Variants in MAML2 observed in about 807,000 individuals in gnomAD.
The protein encoded by MAML2 is mastermind-like protein 2.
MAML2 carries 22 observed loss-of-function variants against 96.1 expected under a neutral mutation model. The ratio of observed to expected loss-of-function variants is 0.23; its 90% confidence interval spans 0.16 to 0.33. The LOEUF (loss-of-function observed/expected upper bound fraction) is 0.33. Among genes scored for constraint, MAML2 ranks in the 10% least tolerant of loss-of-function variants. MAML2 has a pLI of 1.00. For synonymous variants in MAML2, 561 were observed against 521.3 expected (o/e 1.08, Z -1.04); for missense variants, 1,367 against 1,392.4 (o/e 0.98, Z 0.29).
intron 1 of MAML2, among the ~76,000 whole-genome samples, chr11:96,216,824 C>A (rs1862056999): frequency 6.6e-6 from 1 of 152,148 alleles, no homozygotes; most frequent in Non-Finnish European, 1.5e-5. Context: ...CAGGGGCATC[C>A]AACTCTGGGT....
chr11:96,016,194 C>T (rs1423670024), intron 2 of MAML2, among the ~76,000 whole-genome samples: 1 of 134,096 alleles, frequency 7.5e-6, no homozygotes, highest in Non-Finnish European at 1.5e-5. Context: ...AACTGTCCTC[C>T]AATTTACACC....
chr11:96,206,322 G>T (rs1219844323), intron 1 of MAML2, among the ~76,000 whole-genome samples: 1 of 152,188 alleles, frequency 6.6e-6, no homozygotes, highest in Non-Finnish European at 1.5e-5. Flanking sequence ...GGATAGGCGG[G>T]TGCGGTGGCT....
Position 96,062,576 on chromosome 11 carries a change from A to G in MAML2, c.2139+29316T>C, listed in dbSNP as rs142145026. Reference sequence around the variant, plus strand: ...GGATTCTGAAATATGGAGTGGTGGAAGGAAGGGAAATGTAGAATCCAGTTA... The same window carrying G: ...GGATTCTGAAATATGGAGTGGTGGAGGGAAGGGAAATGTAGAATCCAGTTA... On this transcript the variant is annotated intron_variant, in intron 2 of 4. Coordinates refer to ENST00000524717, the MANE Select transcript of MAML2 (RefSeq NM_032427.4). 1.3e-3 allele frequency among the ~76,000 whole-genome samples: 194 copies of G among 152,330 alleles called. 3 individuals carry two copies. The East Asian group carries it at 0.022, about 18-fold the overall frequency.
intron 1 of MAML2, among the ~76,000 whole-genome samples, chr11:96,177,036 T>C (rs938567165): frequency 2.0e-5 from 3 of 152,190 alleles, no homozygotes; most frequent in Non-Finnish European, 2.9e-5. Flanking sequence ...ATGGTCCTTT[T>C]TCAGGTCACC....
chr11:96,065,205 A>G (rs1241419607), intron 2 of MAML2, among the ~76,000 whole-genome samples: 1 of 152,256 alleles, frequency 6.6e-6, no homozygotes, highest in African/African-American at 2.4e-5. Context: ...AAAAGTTGCT[A>G]TGAAAATTGC....
At chr11:96,228,630 G>A (rs1418109050) in intron 1 of MAML2, among the ~76,000 whole-genome samples, 1 of 152,208 alleles carries the variant, frequency 6.6e-6, no homozygotes, top group African/African-American at 2.4e-5. Context: ...AGTCACTGAA[G>A]CTGAGGAAGT....
intron 2 of MAML2, among the ~76,000 whole-genome samples, chr11:96,077,655 A>C (rs1317008910): frequency 6.6e-6 from 1 of 152,102 alleles, no homozygotes; most frequent in Non-Finnish European, 1.5e-5. Context: ...GAAGCAAACC[A>C]TTTTGTGGAC....
intron 2 of MAML2, among the ~76,000 whole-genome samples, chr11:96,086,334 A>T (rs1859612969): frequency 6.6e-6 from 1 of 152,224 alleles, no homozygotes; most frequent in Non-Finnish European, 1.5e-5. Context: ...TCCTGAAAAG[A>T]TTCTTAAATT....
At chr11:96,191,337 G>A (rs915228067) in intron 1 of MAML2, among the ~76,000 whole-genome samples, 1 of 151,990 alleles carries the variant, frequency 6.6e-6, no homozygotes, top group Non-Finnish European at 1.5e-5. Flanking sequence ...GGTGGCGCAT[G>A]CCTGTAGTCC....
Position 96,196,283 on chromosome 11 carries a change from C to T in MAML2, c.514-102766G>A, listed in dbSNP as rs139150706. On this transcript the variant is annotated intron_variant, in intron 1 of 4. Coordinates refer to ENST00000524717, the MANE Select transcript of MAML2 (RefSeq NM_032427.4). ...GATAAATAGTTCATCCCAGTTGCTT[C>T]GGTGATTTTCATTTTAGGAAAGGTT... Among the ~76,000 whole-genome samples the T allele has an allele frequency of 2.5e-3, 372 of 150,212 alleles. 6 individuals carry two copies. The highest frequency in any genetic ancestry group is 0.014 in the Middle Eastern group (4 of 292).
intron 1 of MAML2, among the ~76,000 whole-genome samples, chr11:96,169,869 G>T (rs1861255887): frequency 6.6e-6 from 1 of 152,154 alleles, no homozygotes; most frequent in South Asian, 2.1e-4. Context: ...TGCCCAGGTT[G>T]GTCTCAATCT....
chr11:96,188,033 G>A (rs1861598671), intron 1 of MAML2, among the ~76,000 whole-genome samples: 1 of 152,160 alleles, frequency 6.6e-6, no homozygotes, highest in South Asian at 2.1e-4. Flanking sequence ...TGATGTTTCT[G>A]ACTTGGCAAT....
chr11:96,276,726 A>G (rs1338570869), intron 1 of MAML2, among the ~76,000 whole-genome samples: 1 of 151,488 alleles, frequency 6.6e-6, no homozygotes, highest in Admixed American at 6.6e-5. Flanking sequence ...CGAAAAGGCT[A>G]CTAAAAAACA....
intron 1 of MAML2, among the ~76,000 whole-genome samples, chr11:96,185,794 C>A (rs1040700238): frequency 1.3e-5 from 2 of 152,156 alleles, no homozygotes; most frequent in African/African-American, 4.8e-5. Flanking sequence ...TTTGGGCCCT[C>A]CAGTCTTCTG....
intron 2 of MAML2, among the ~76,000 whole-genome samples, chr11:96,030,066 T>G (rs1464627868): frequency 6.6e-6 from 1 of 152,092 alleles, no homozygotes; most frequent in Non-Finnish European, 1.5e-5. Flanking sequence ...ACCCCGTCTC[T>G]GCTAAAAATA....
chr11:96,293,494 T>C (rs1024682792), intron 1 of MAML2, among the ~76,000 whole-genome samples: 19 of 152,190 alleles, frequency 1.2e-4, no homozygotes, highest in Admixed American at 5.9e-4. Context: ...TACAACTTTT[T>C]TGATGCATAT....
intron 2 of MAML2, among the ~76,000 whole-genome samples, chr11:96,003,066 T>G: frequency 1.4e-5 from 2 of 140,318 alleles, no homozygotes; most frequent in African/African-American, 2.7e-5. Context: ...AACATGATGA[T>G]GGGGATGATG....
intron 1 of MAML2, among the ~76,000 whole-genome samples, chr11:96,123,897 C>A (rs971404817): frequency 1.6e-4 from 25 of 151,858 alleles, no homozygotes; most frequent in African/African-American, 6.0e-4. Flanking sequence ...TGGTGAAAAC[C>A]CGTCTCTACT....
intron 2 of MAML2, among the ~76,000 whole-genome samples, chr11:95,997,796 C>G (rs1475434141): frequency 6.6e-6 from 1 of 152,146 alleles, no homozygotes; most frequent in Non-Finnish European, 1.5e-5. Flanking sequence ...TCTTCTAAGG[C>G]TTTGGCCTTG....
Sources: gnomAD v4.1 joint callset for allele counts (sites outside exome capture counted in the v4.1 genomes callset) on GRCh38, gnomAD v4.1.1 for gene constraint, MANE v1.5 for transcripts, NCBI Gene and HGNC (gene_info 2026-07-23, HGNC 2026-07-21) for gene names.